The following CASTOR2 variants were observed in gnomAD, a reference collection of about 807,000 sequenced individuals.
CASTOR2 encodes cytosolic arginine sensor for mTORC1 subunit 2, also known as GATS protein like 2.
CASTOR2 carries 8 observed loss-of-function variants against 31.2 expected under a neutral mutation model. The ratio of observed to expected loss-of-function variants is 0.26; its 90% confidence interval spans 0.15 to 0.46. The LOEUF (loss-of-function observed/expected upper bound fraction) is 0.46, where lower values mean the gene tolerates loss of function less well. CASTOR2 is among the 20% of genes least tolerant of loss of function. CASTOR2 has a pLI of 0.99. For synonymous variants in CASTOR2, 162 were observed against 158.7 expected, an observed-to-expected ratio of 1.02 and a Z score of -0.16; for missense variants, 216 against 382.1, an observed-to-expected ratio of 0.57 and a Z score of 3.62.
chr7:74,995,043 G>A (rs587722628), intron 1 of CASTOR2, among the ~76,000 whole-genome samples: 3 of 152,092 alleles, frequency 2.0e-5, no homozygotes, highest in Admixed American at 2.0e-4. Flanking sequence ...CCAGGCAACA[G>A]GTCAAGGGCA....
Position 75,024,884 on chromosome 7 carries a change from C to T in CASTOR2, c.*185C>T, listed in dbSNP as rs1203720935. The T allele has an allele frequency of 2.1e-6, 3 of 1,418,948 alleles. No individual in the cohort carries two copies. The highest frequency in any genetic ancestry group is 2.8e-5 in the African/African-American group (2 of 70,228). 87.9% of individuals were successfully genotyped at this position (1,418,948 alleles called of 1,614,324 possible). A position where few individuals can be genotyped will look rare whatever the true frequency, so the allele number is the denominator to read the frequency against. ...GGGCCCACGCCAAGGCCTCTCCATG[C>T]CCTCCTGCCTTCCCGGAGCCCCCCG... is the stretch of plus-strand genomic sequence containing the variant. On this transcript the variant is annotated 3_prime_UTR_variant, in exon 9 of 9. Transcript: ENST00000616305.
chr7:75,000,654 T>G (rs1192232674), intron 1 of CASTOR2, among the ~76,000 whole-genome samples: 27 of 151,932 alleles, frequency 1.8e-4, no homozygotes, highest in African/African-American at 5.8e-4. Flanking sequence ...CCAGGCTCTT[T>G]TTTGTTTGTT....
rs1554435144 is a variant in CASTOR2 at position 74,972,199 on chromosome 7, GGT to G, written c.113+7102_113+7103del. 8.3e-5 allele frequency among the ~76,000 whole-genome samples: 12 copies of G among 144,858 alleles called. 1 individual carries two copies. ...AAGGTCTCACTGTGTTGTCCAGACT[GGT>G]CTTGAACTCCTGGCCTCAAGCAATC... On this transcript the variant is annotated intron_variant, in intron 1 of 8. Transcript: ENST00000616305.
chr7:74,989,632 T>C (rs1231454366), intron 1 of CASTOR2, among the ~76,000 whole-genome samples: 1 of 149,826 alleles, frequency 6.7e-6, no homozygotes, highest in Non-Finnish European at 1.5e-5. Context: ...CCCAGGCTGG[T>C]CTTGAACTCC....
At chr7:75,015,856 C>T (rs1804851889) in intron 2 of CASTOR2, among the ~76,000 whole-genome samples, 1 of 152,026 alleles carries the variant, frequency 6.6e-6, no homozygotes, top group Non-Finnish European at 1.5e-5. Context: ...CACTTGAGGC[C>T]AGGAGTTTGA....
chr7:75,008,818 T>C (rs1804663246), intron 2 of CASTOR2, among the ~76,000 whole-genome samples: 1 of 152,108 alleles, frequency 6.6e-6, no homozygotes, highest in East Asian at 1.9e-4. Flanking sequence ...GGCATGGTGG[T>C]GTATGCCTCT....
At chr7:74,996,966 C>T (rs1804367696) in intron 1 of CASTOR2, among the ~76,000 whole-genome samples, 2 of 151,014 alleles carry the variant, frequency 1.3e-5, no homozygotes, top group Admixed American at 6.6e-5. Flanking sequence ...AACTCCTGAC[C>T]TCAGGTGAAC....
In CASTOR2 at chr7:75,028,050, T is replaced by G; in HGVS notation, c.*3351T>G. Reference sequence around the variant, plus strand: ...GAGGTAATCAGAGGAGTGGGCCTGTTGTCTTGGCGCTGGCGGATGGGGCAG... The same window carrying G: ...GAGGTAATCAGAGGAGTGGGCCTGTGGTCTTGGCGCTGGCGGATGGGGCAG... On this transcript the variant is annotated 3_prime_UTR_variant, in exon 9 of 9. Transcript: ENST00000616305. The G allele has an allele frequency of 6.5e-7, 1 of 1,534,564 alleles. No individual in the cohort carries two copies. The highest frequency in any genetic ancestry group is 2.4e-5 in the East Asian group (1 of 40,894).
intron 1 of CASTOR2, among the ~76,000 whole-genome samples, chr7:74,996,430 T>C (rs1446834921): frequency 4.6e-5 from 7 of 152,088 alleles, no homozygotes; most frequent in Non-Finnish European, 8.8e-5. Flanking sequence ...CTCCAGAGAA[T>C]GTTGCGTCCC....
intron 7 of CASTOR2, among the ~76,000 whole-genome samples, chr7:75,022,263 G>A (rs1805024067): frequency 6.6e-6 from 1 of 152,156 alleles, no homozygotes; most frequent in Non-Finnish European, 1.5e-5. Flanking sequence ...CCAGCACTTT[G>A]GGAGGCCGAG....
rs587620843 is a variant in CASTOR2 at position 74,967,429 on chromosome 7, C to A, written c.113+2331C>A. On this transcript the variant is annotated intron_variant, in intron 1 of 8. Coordinates refer to ENST00000616305, the MANE Select transcript of CASTOR2 (RefSeq NM_001145064.3). Reference sequence around the variant, plus strand: ...GAACCCCTTAGATTGTTCCTGCAATCCCTGCCCCCAGGTGGTGACCCATAG... The same window carrying A: ...GAACCCCTTAGATTGTTCCTGCAATACCTGCCCCCAGGTGGTGACCCATAG... 3.6e-4 allele frequency among the ~76,000 whole-genome samples: 53 copies of A among 148,402 alleles called. 3 individuals carry two copies. Among genetic ancestry groups the A allele is most frequent in the African/African-American group, 8.4e-4 (34 of 40,670 alleles).
chr7:75,007,895 TG>T, intron 1 of CASTOR2, 98 bp from the exon 2 acceptor site: 1 of 1,577,960 alleles, frequency 6.3e-7, no homozygotes, highest in South Asian at 1.1e-5. Context: ...GCCGGAACTC[TG>T]GGTGAACTGA....
At position 75,024,910 on chromosome 7, in the gene CASTOR2, A is replaced by T. The variant is rs1435982568; in HGVS notation, c.*211A>T. On this transcript the variant is annotated 3_prime_UTR_variant, in exon 9 of 9. Transcript: ENST00000616305. ...CCTCCTGCCTTCCCGGAGCCCCCCG[A>T]CCCTCCAGAGAACGACCTTTCTCTT... 6 of 1,224,672 alleles carry T rather than the reference A, an allele frequency of 4.9e-6. No individual in the cohort carries two copies. The East Asian group carries it at 1.3e-4, about 26-fold the overall frequency. The allele number at this position is 1,224,672 out of a possible 1,614,324, so 75.9% of individuals were successfully genotyped here.
At position 75,031,348 on chromosome 7, in the gene CASTOR2, A is replaced by G. The variant is rs1323913466; in HGVS notation, c.*6649A>G. On this transcript the variant is annotated 3_prime_UTR_variant, in exon 9 of 9. Transcript: ENST00000616305. The stretch of plus-strand genomic sequence containing the variant: ...CGCTCCCAAGATCTGGGTGAAGGGG[A>G]GAACCTGCCATCTTATCCCTACCCC... Among the ~76,000 whole-genome samples the G allele has an allele frequency of 6.6e-6, 1 of 152,062 alleles. No homozygotes were observed. The highest frequency in any genetic ancestry group is 1.5e-5 in the Non-Finnish European group (1 of 68,000).
At chr7:75,015,964 G>A (rs1409432138) in intron 2 of CASTOR2, among the ~76,000 whole-genome samples, 2 of 152,164 alleles carry the variant, frequency 1.3e-5, no homozygotes, top group African/African-American at 4.8e-5. Context: ...CTACTCGGGA[G>A]GCCGAGGCAG....
intron 1 of CASTOR2, among the ~76,000 whole-genome samples, chr7:75,003,475 G>C (rs1201503473): frequency 1.3e-5 from 2 of 151,710 alleles, no homozygotes; most frequent in Non-Finnish European, 2.9e-5. Context: ...AAAAGGCCGG[G>C]CATGGTGGCT....
Position 75,015,938 on chromosome 7 carries a change from G to A in CASTOR2, c.185-1660G>A, listed in dbSNP as rs1340761878. Among the ~76,000 whole-genome samples the A allele has an allele frequency of 1.9e-4, 29 of 152,236 alleles. No individual in the cohort carries two copies. In the South Asian group the frequency reaches 6.0e-3, roughly 32 times the overall value. The stretch of plus-strand genomic sequence containing the variant: ...AAAAATTAGCCGGGCATGATGTTGG[G>A]TGCCTCTAATCCCAGCTACTCGGGA... On this transcript the variant is annotated intron_variant, in intron 2 of 8. Transcript: ENST00000616305.
At chr7:75,014,997 G>A (rs1202987303) in intron 2 of CASTOR2, among the ~76,000 whole-genome samples, 3 of 152,342 alleles carry the variant, frequency 2.0e-5, no homozygotes, top group Non-Finnish European at 1.5e-5. Flanking sequence ...TCAAGACTGG[G>A]GCCGCCCTTT....
intron 1 of CASTOR2, among the ~76,000 whole-genome samples, chr7:74,996,388 A>G (rs1384644407): frequency 1.3e-5 from 2 of 152,096 alleles, no homozygotes; most frequent in African/African-American, 4.8e-5. Flanking sequence ...CCCATGCCCC[A>G]GCGTGTCCCC....
Sources: allele counts gnomAD v4.1 joint callset (sites outside exome capture counted in the v4.1 genomes callset), GRCh38; gene constraint gnomAD v4.1.1; transcripts MANE v1.5; gene names NCBI Gene and HGNC (gene_info 2026-07-23, HGNC 2026-07-21).